The following HECA variants were observed in gnomAD, a reference collection of about 807,000 sequenced individuals.
HECA encodes HECA ribonucleoprotein granule regulator.
A neutral mutation model predicts 37.6 loss-of-function variants in HECA; 13 were observed. The ratio of observed to expected loss-of-function variants is 0.35; its 90% CI spans 0.23 to 0.55. The LOEUF (loss-of-function observed/expected upper bound fraction) is 0.55. HECA is among the 20% of genes least tolerant of loss of function. The pLI is 0.90. For missense variants in HECA, 527 were observed against 701.9 expected (o/e 0.75, Z 2.82); for synonymous variants, 307 against 291.5 (o/e 1.05, Z -0.54).
rs1775098989 is a variant in HECA at position 139,179,183 on chromosome 6, T to G, written c.*2078T>G. 1 of 152,248 alleles carries G rather than the reference T, an allele frequency of 6.6e-6. No homozygotes were observed. Among genetic ancestry groups the G allele is most frequent in the Non-Finnish European group, 1.5e-5 (1 of 68,040 alleles). 9.4% of individuals were successfully genotyped at this position (152,248 alleles called of 1,614,324 possible). A position where few individuals can be genotyped will look rare whatever the true frequency, so the allele number is the denominator to read the frequency against. ...GTGAATTAACTATCTCCTTATTGATTCTCTCCTGTACCCAGATGCAAAAAG... is the reference window on the plus strand; with the variant it reads ...GTGAATTAACTATCTCCTTATTGATGCTCTCCTGTACCCAGATGCAAAAAG... On this transcript the variant is annotated 3_prime_UTR_variant, in exon 4 of 4. Transcript: ENST00000367658.
intron 3 of HECA, among the ~76,000 whole-genome samples, chr6:139,175,633 C>T (rs574424359): frequency 2.0e-5 from 3 of 152,178 alleles, no homozygotes; most frequent in East Asian, 1.9e-4. Flanking sequence ...GGATCTAGAC[C>T]GACCTCCTTA....
At chr6:139,141,306 A>G (rs1774510077) in intron 1 of HECA, among the ~76,000 whole-genome samples, 1 of 152,340 alleles carries the variant, frequency 6.6e-6, no homozygotes, top group Non-Finnish European at 1.5e-5. Context: ...AAGTACATAT[A>G]TAGTTTCTGC....
chr6:139,143,869 A>AG, intron 1 of HECA, among the ~76,000 whole-genome samples: 1 of 151,998 alleles, frequency 6.6e-6, no homozygotes, highest in East Asian at 1.9e-4. Flanking sequence ...CAAAAAAAAA[A>AG]AAAAAAAAAG....
intron 1 of HECA, among the ~76,000 whole-genome samples, chr6:139,164,822 C>T (rs867863071): frequency 1.4e-4 from 21 of 150,124 alleles, no homozygotes; most frequent in Middle Eastern, 3.4e-3. Flanking sequence ...CAACCGGCAG[C>T]CACTCTTTTG....
chr6:139,175,443 T>C (rs139576644), intron 3 of HECA, among the ~76,000 whole-genome samples: 124 of 152,344 alleles, frequency 8.1e-4, no homozygotes, highest in African/African-American at 2.9e-3. Context: ...CAGTAGTTAT[T>C]CACTGTGGCA....
chr6:139,150,474 TAAA>T (rs60587674), intron 1 of HECA, among the ~76,000 whole-genome samples: 3 of 144,672 alleles, frequency 2.1e-5, no homozygotes, highest in Non-Finnish European at 1.5e-5. Context: ...AGAGTGGGGC[TAAA>T]AAAAAAAAAA....
Position 139,135,290 on chromosome 6 carries a change from C to T in HECA, c.-107C>T. ...GAGCCGAGGGAACCGCCGGCTCGCG[C>T]CCTCCGTTCTTTCCCGGAGCCGGCT... On this transcript the variant is annotated 5_prime_UTR_variant, in exon 1 of 4. Coordinates refer to ENST00000367658, the MANE Select transcript of HECA (RefSeq NM_016217.3). The T allele has an allele frequency of 2.1e-6, 2 of 932,198 alleles. No homozygotes were observed. The highest frequency in any genetic ancestry group is 2.7e-6 in the Non-Finnish European group (2 of 746,878). 57.7% of individuals were successfully genotyped at this position (932,198 alleles called of 1,614,324 possible).
At chr6:139,154,215 C>T (rs1295104609) in intron 1 of HECA, among the ~76,000 whole-genome samples, 2 of 152,182 alleles carry the variant, frequency 1.3e-5, no homozygotes, top group African/African-American at 2.4e-5. Context: ...AATACAGACA[C>T]AACCATCTGT....
At chr6:139,137,392 T>C (rs1774461419) in intron 1 of HECA, among the ~76,000 whole-genome samples, 1 of 152,136 alleles carries the variant, frequency 6.6e-6, no homozygotes, top group Non-Finnish European at 1.5e-5. Context: ...TGCTCCCAGT[T>C]CTTGTTATTT....
chr6:139,138,740 TATTA>T (rs1421739654), intron 1 of HECA, among the ~76,000 whole-genome samples: 2 of 152,224 alleles, frequency 1.3e-5, no homozygotes, highest in Non-Finnish European at 2.9e-5. Flanking sequence ...GTAAGTTTAA[TATTA>T]ATTCTTAGGA....
chr6:139,135,240 C>T lies in HECA; in HGVS notation c.-157C>T, dbSNP rs927194593. On this transcript the variant is annotated 5_prime_UTR_variant, in exon 1 of 4. Transcript: ENST00000367658. ...AGAGGGCGCGGCGGCCAGGATGGCG[C>T]GGCACGGGCCGTGCGGCTAGACGGG... 1.9e-4 allele frequency: 98 copies of T among 508,132 alleles called. No homozygotes were observed. The highest frequency in any genetic ancestry group is 3.6e-4 in the Admixed American group (6 of 16,882). 31.5% of individuals were successfully genotyped at this position (508,132 alleles called of 1,614,324 possible).
intron 1 of HECA, chr6:139,155,743 C>A (rs967010013): frequency 6.6e-6 from 1 of 152,108 alleles, no homozygotes; most frequent in Non-Finnish European, 1.5e-5. Flanking sequence ...TGATTTAGTA[C>A]CCCCAAGATC....
chr6:139,160,762 A>G (rs1044232581), intron 1 of HECA, among the ~76,000 whole-genome samples: 13 of 152,244 alleles, frequency 8.5e-5, no homozygotes, highest in African/African-American at 3.1e-4. Flanking sequence ...AAAACATTGG[A>G]AAAAGTAGAA....
intron 1 of HECA, among the ~76,000 whole-genome samples, chr6:139,156,862 G>A (rs1469942640): frequency 6.6e-6 from 1 of 152,188 alleles, no homozygotes; most frequent in African/African-American, 2.4e-5. Flanking sequence ...CCCATGCTAG[G>A]GAAAGATGGA....
intron 1 of HECA, among the ~76,000 whole-genome samples, chr6:139,147,523 G>A (rs1290141095): frequency 2.0e-5 from 3 of 152,126 alleles, no homozygotes; most frequent in Admixed American, 2.0e-4. Flanking sequence ...TACTCGGGAG[G>A]CTGAGGTGGG....
intron 1 of HECA, among the ~76,000 whole-genome samples, chr6:139,137,893 CGGGGAGAAAAAGG>C (rs1774469642): frequency 6.6e-6 from 1 of 151,852 alleles, no homozygotes; most frequent in South Asian, 2.1e-4. Flanking sequence ...AAGTGAAAGG[CGGGGAGAAAAAGG>C]AATGGGCCAA....
At chr6:139,174,883 T>C (rs998772676) in intron 3 of HECA, among the ~76,000 whole-genome samples, 2 of 152,210 alleles carry the variant, frequency 1.3e-5, no homozygotes, top group African/African-American at 4.8e-5. Context: ...GAATGGTTCC[T>C]TTAGTTTTCT....
rs1369350470 is a variant in HECA at position 139,166,559 on chromosome 6, G to A, written c.547G>A (p.Gly183Ser). ...CTTCTGCTCTTGCCGCTGTGGCCAG[G>A]GCCACTTGAAGAAGGACACAGACTG... is the stretch of plus-strand genomic sequence containing the variant. ...FRFCSCRCGQGHLKKDTDWYQ... is the reference protein window; with the variant it reads ...FRFCSCRCGQSHLKKDTDWYQ... Residue 183 changes from glycine to serine, a missense_variant, in exon 2 of 4, where the codon GGC becomes AGC. By Grantham distance (56) the Gly-to-Ser change is moderately conservative. Transcript: ENST00000367658. The A allele has an allele frequency of 6.2e-7, 1 of 1,614,118 alleles. No individual in the cohort carries two copies. Among genetic ancestry groups the A allele is most frequent in the Non-Finnish European group, 8.5e-7 (1 of 1,180,052 alleles).
intron 1 of HECA, among the ~76,000 whole-genome samples, chr6:139,154,471 A>T (rs1321829535): frequency 6.6e-6 from 1 of 152,242 alleles, no homozygotes; most frequent in Non-Finnish European, 1.5e-5. Context: ...TATAGACATC[A>T]TATCACCTAT....
Sources: gnomAD v4.1 joint callset for allele counts (sites outside exome capture counted in the v4.1 genomes callset) on GRCh38, gnomAD v4.1.1 for gene constraint, MANE v1.5 for transcripts, NCBI Gene and HGNC (gene_info 2026-07-23, HGNC 2026-07-21) for gene names.